ZNG1A: variants seen among roughly 807,000 people sequenced by gnomAD.
ZNG1A encodes the protein Zn regulated GTPase metalloprotein activator 1A, also known as zinc-regulated GTPase metalloprotein activator 1A.
At chr9:169,636 T>C in the ZNG1A span, among the ~76,000 whole-genome samples, 8 of 147,984 alleles carry the variant, frequency 5.4e-5, no homozygotes, top group South Asian at 2.2e-4. Flanking sequence ...TCTTATGAAA[T>C]TGCGATAGCC....
the ZNG1A span, chr9:172,274 C>G: frequency 8.2e-6 from 12 of 1,459,662 alleles, no homozygotes; most frequent in African/African-American, 1.7e-4. Context: ...GACAAAAGTA[C>G]CCTTGGGAAT....
the ZNG1A span, among the ~76,000 whole-genome samples, chr9:168,506 CCTCCCAAAGTG>C: frequency 2.7e-5 from 4 of 150,650 alleles, no homozygotes; most frequent in African/African-American, 9.9e-5. Context: ...CCCACCTCGG[CCTCCCAAAGTG>C]CTGAGATTAC....
At chr9:140,131 C>A in the ZNG1A span, among the ~76,000 whole-genome samples, 1 of 150,880 alleles carries the variant, frequency 6.6e-6, no homozygotes, top group African/African-American at 2.5e-5. Context: ...AACAAAGCAG[C>A]CGGGAAGCTC....
chr9:154,345 T>G, the ZNG1A span: 1 of 373,362 alleles, frequency 2.7e-6, no homozygotes. Flanking sequence ...GAGAATACAT[T>G]ACGAGTAAAG....
At chr9:160,684 T>A in the ZNG1A span, among the ~76,000 whole-genome samples, 3 of 150,852 alleles carry the variant, frequency 2.0e-5, no homozygotes, top group Non-Finnish European at 4.4e-5. Context: ...ATTCCTATAA[T>A]CATAAAATAC....
At chr9:143,278 T>A in the ZNG1A span, among the ~76,000 whole-genome samples, 99 of 149,056 alleles carry the variant, frequency 6.6e-4, no homozygotes, top group African/African-American at 2.5e-3. Flanking sequence ...TGATGAACAT[T>A]GATGTAAAAA....
the ZNG1A span, among the ~76,000 whole-genome samples, chr9:174,034 C>G: frequency 6.6e-6 from 1 of 151,716 alleles, no homozygotes; most frequent in African/African-American, 2.4e-5. Context: ...GTAGTCCCAG[C>G]TACTCAGGCG....
At chr9:167,964 TAG>T in the ZNG1A span, among the ~76,000 whole-genome samples, 11 of 106,708 alleles carry the variant, frequency 1.0e-4, no homozygotes, top group Non-Finnish European at 1.9e-4. Context: ...GTGGTCTGGA[TAG>T]ATGATCAAAC....
At chr9:148,571 A>G in the ZNG1A span, 2 of 116,460 alleles carry the variant, frequency 1.7e-5, no homozygotes, top group East Asian at 2.1e-4. Flanking sequence ...CAAAGCATTA[A>G]AATCGCCAAG....
At chr9:140,390 CT>C in the ZNG1A span, among the ~76,000 whole-genome samples, 5,932 of 149,970 alleles carry the variant, frequency 0.04, 175 homozygotes, top group African/African-American at 0.075. Context: ...GAGGCACCCC[CT>C]AGCAGAGGCA....
the ZNG1A span, among the ~76,000 whole-genome samples, chr9:128,002 G>A: frequency 6.6e-6 from 1 of 151,900 alleles, no homozygotes; most frequent in Non-Finnish European, 1.5e-5. Flanking sequence ...GTTTGAGGAG[G>A]CTGAAGATAG....
At chr9:162,324 G>T in the ZNG1A span, 1 of 1,086,864 alleles carries the variant, frequency 9.2e-7, no homozygotes, top group East Asian at 2.7e-5. Flanking sequence ...TTTGAGAAAG[G>T]TTTTTGTTAA....
the ZNG1A span, among the ~76,000 whole-genome samples, chr9:152,549 T>C: frequency 6.6e-6 from 1 of 151,650 alleles, no homozygotes; most frequent in African/African-American, 2.4e-5. Flanking sequence ...GTCCTTAGTA[T>C]TCACAGTAAT....
the ZNG1A span, chr9:163,962 C>G: frequency 6.3e-7 from 1 of 1,578,548 alleles, no homozygotes. Flanking sequence ...TAAAAGAAAA[C>G]TGTTTTTTAA....
At chr9:139,797 G>A in the ZNG1A span, among the ~76,000 whole-genome samples, 1 of 151,542 alleles carries the variant, frequency 6.6e-6, no homozygotes, top group Non-Finnish European at 1.5e-5. Flanking sequence ...GCAGGTCAGT[G>A]GGTGCGTGCA....
chr9:140,632 G>A, the ZNG1A span, among the ~76,000 whole-genome samples: 97 of 146,536 alleles, frequency 6.6e-4, no homozygotes, highest in African/African-American at 2.4e-3. Context: ...GGAACGCAGC[G>A]CCTCTCCTCC....
the ZNG1A span, chr9:178,931 A>C: frequency 5.4e-6 from 6 of 1,113,816 alleles, 1 homozygote; most frequent in African/African-American, 7.3e-5. Flanking sequence ...CCTCCGCAGG[A>C]TCCTCCTCCT....
At chr9:149,410 C>T in the ZNG1A span, 1 of 151,918 alleles carries the variant, frequency 6.6e-6, no homozygotes, top group South Asian at 2.1e-4. Context: ...CTTCCTTATA[C>T]CTGGAAAGTT....
the ZNG1A span, chr9:175,569 C>T: frequency 1.2e-6 from 1 of 824,176 alleles, no homozygotes; most frequent in Non-Finnish European, 1.9e-6. Context: ...ATTAATCCAA[C>T]TTTTCTAAAG....
Sources: gnomAD v4.1 joint callset for allele counts (sites outside exome capture counted in the v4.1 genomes callset) on GRCh38, gnomAD v4.1.1 for gene constraint, MANE v1.5 for transcripts, NCBI Gene and HGNC (gene_info 2026-07-23, HGNC 2026-07-21) for gene names.